UBE2E3: variants seen among roughly 807,000 people sequenced by gnomAD.
UBE2E3 encodes ubiquitin-conjugating enzyme E2 E3.
UBE2E3 carries 5 observed loss-of-function variants against 23.6 expected under a neutral mutation model. That is an observed-to-expected ratio of 0.21 (90% CI 0.11 to 0.44). UBE2E3 has a LOEUF of 0.44. UBE2E3 is among the 20% of genes least tolerant of loss of function. The pLI, the probability that UBE2E3 is intolerant of heterozygous loss-of-function variation, is 0.99. For synonymous variants in UBE2E3, 78 were observed against 87.5 expected, an observed-to-expected ratio of 0.89 and a Z score of 0.60; for missense variants, 81 against 249.8, an observed-to-expected ratio of 0.32 and a Z score of 4.55.
chr2:181,055,187 G>T (rs1210343940), intron 3 of UBE2E3, among the ~76,000 whole-genome samples: 3 of 151,702 alleles, frequency 2.0e-5, no homozygotes, highest in Non-Finnish European at 4.4e-5. Flanking sequence ...TTTCCAAGGA[G>T]TTTTGCTGTC....
At chr2:180,981,902 A>G in intron 1 of UBE2E3, 116 bp from the exon 2 acceptor site, 2 of 741,166 alleles carry the variant, frequency 2.7e-6, no homozygotes, top group Non-Finnish European at 4.4e-6. Flanking sequence ...AATAAGTGTG[A>G]ACACTTTTGA....
At position 180,992,620 on chromosome 2, in the gene UBE2E3, C is replaced by T. The variant is rs937104290; in HGVS notation, c.245+8527C>T. On this transcript the variant is annotated intron_variant, in intron 3 of 5. Transcript: ENST00000410062. ...AAGCAATCCTCCCACCTCAGCCTTC[C>T]GAGTAGCTGGGACTACAGGCGCACC... 4.1e-4 allele frequency among the ~76,000 whole-genome samples: 63 copies of T among 152,246 alleles called. 1 individual carries two copies. The highest frequency in any genetic ancestry group is 3.9e-3 in the Admixed American group (59 of 15,292).
chr2:181,021,684 C>G (rs1051281347), intron 3 of UBE2E3, among the ~76,000 whole-genome samples: 1 of 119,782 alleles, frequency 8.3e-6, no homozygotes, highest in East Asian at 2.6e-4. Context: ...TCCTTCCCAA[C>G]TTTTCTTTTA....
intron 3 of UBE2E3, among the ~76,000 whole-genome samples, chr2:181,025,539 C>T (rs17605475): frequency 1.3e-5 from 2 of 151,556 alleles, no homozygotes; most frequent in Admixed American, 6.6e-5. Flanking sequence ...TTTTAGAAGA[C>T]TTGTCTAAGT....
intron 3 of UBE2E3, among the ~76,000 whole-genome samples, chr2:181,051,211 C>T (rs1686837225): frequency 6.6e-6 from 1 of 151,676 alleles, no homozygotes; most frequent in African/African-American, 2.4e-5. Context: ...TTTAATCCTT[C>T]AGCTTAACTT....
intron 3 of UBE2E3, among the ~76,000 whole-genome samples, chr2:181,016,932 G>A (rs1685509363): frequency 6.6e-6 from 1 of 152,224 alleles, no homozygotes; most frequent in African/African-American, 2.4e-5. Context: ...ACCTCTTTAA[G>A]TTAGAAGCCA....
chr2:181,013,839 C>T (rs529283921), intron 3 of UBE2E3, among the ~76,000 whole-genome samples: 1 of 152,216 alleles, frequency 6.6e-6, no homozygotes, highest in South Asian at 2.1e-4. Context: ...TAGACCATGC[C>T]TCTTCATGGA....
intron 3 of UBE2E3, among the ~76,000 whole-genome samples, chr2:181,042,671 C>T (rs1686551480): frequency 6.6e-6 from 1 of 152,158 alleles, no homozygotes; most frequent in Non-Finnish European, 1.5e-5. Flanking sequence ...TCAGTTTCCT[C>T]ATTTGTAAGA....
chr2:181,031,490 G>A (rs59834478), intron 3 of UBE2E3, among the ~76,000 whole-genome samples: 35,332 of 151,928 alleles, frequency 0.23, 4,479 homozygotes, highest in Non-Finnish European at 0.28. Context: ...TCATTTTAAA[G>A]TACCACATTA....
intron 3 of UBE2E3, among the ~76,000 whole-genome samples, chr2:180,995,934 G>T (rs570380734): frequency 6.6e-6 from 1 of 152,098 alleles, no homozygotes; most frequent in Admixed American, 6.6e-5. Flanking sequence ...GTCATACATG[G>T]TAAAGGTAAG....
chr2:181,021,558 T>TC lies in UBE2E3; in HGVS notation c.246-36133dup, dbSNP rs1574190691. Among the ~76,000 whole-genome samples, 18 of 56,550 alleles carry TC rather than the reference T, an allele frequency of 3.2e-4. 1 individual carries two copies. The East Asian group carries it at 0.018, about 56-fold the overall frequency. The allele number at this position is 56,550 out of a possible 152,430, so 37.1% of individuals were successfully genotyped here. On this transcript the variant is annotated intron_variant, in intron 3 of 5. Transcript: ENST00000410062. ...AACTTTTCTTTTAAATATACTCCCT[T>TC]CCTTCCTTCCTTCCTCCCTCCCTCC...
intron 3 of UBE2E3, among the ~76,000 whole-genome samples, chr2:181,047,218 TTTGTCCCTCTG>T (rs1686696632): frequency 6.6e-6 from 1 of 152,160 alleles, no homozygotes; most frequent in Non-Finnish European, 1.5e-5. Flanking sequence ...CATTTGCTTT[TTTGTCCCTCTG>T]TTAAACACCT....
chr2:181,001,430 A>AC (rs200880629), intron 3 of UBE2E3, among the ~76,000 whole-genome samples: 4 of 151,964 alleles, frequency 2.6e-5, no homozygotes, highest in African/African-American at 7.3e-5. Context: ...GAAGTCCTCC[A>AC]CCCCCCACAC....
chr2:181,007,981 C>A (rs1312797722), intron 3 of UBE2E3, among the ~76,000 whole-genome samples: 1 of 152,174 alleles, frequency 6.6e-6, no homozygotes, highest in Admixed American at 6.5e-5. Context: ...CTTCAAGCAT[C>A]CACTGAAATT....
chr2:181,047,566 G>A (rs1686707869), intron 3 of UBE2E3, among the ~76,000 whole-genome samples: 1 of 151,940 alleles, frequency 6.6e-6, no homozygotes, highest in Non-Finnish European at 1.5e-5. Flanking sequence ...AAAACTATAA[G>A]CTATTCTCGA....
chr2:181,034,027 A>G (rs974434503), intron 3 of UBE2E3, among the ~76,000 whole-genome samples: 2 of 152,196 alleles, frequency 1.3e-5, no homozygotes, highest in Non-Finnish European at 2.9e-5. Flanking sequence ...TCAGGAAACA[A>G]CAGGTGCTGG....
At chr2:180,996,975 C>A (rs1385306692) in intron 3 of UBE2E3, among the ~76,000 whole-genome samples, 2 of 152,090 alleles carry the variant, frequency 1.3e-5, no homozygotes, top group African/African-American at 4.8e-5. Context: ...TGTACGTATG[C>A]ACACATGGCT....
chr2:181,021,215 A>T (rs1685659148), intron 3 of UBE2E3, among the ~76,000 whole-genome samples: 1 of 152,186 alleles, frequency 6.6e-6, no homozygotes, highest in Non-Finnish European at 1.5e-5. Flanking sequence ...TTGCTGACAA[A>T]TAAGATATTA....
At chr2:180,987,332 T>G (rs184599006) in intron 3 of UBE2E3, 1 of 1,549,724 alleles carries the variant, frequency 6.5e-7, no homozygotes, top group African/African-American at 1.4e-5. Flanking sequence ...TCCATCTGTT[T>G]CCCAGAGGGT....
Sources: gnomAD v4.1 joint callset for allele counts (sites outside exome capture counted in the v4.1 genomes callset) on GRCh38, gnomAD v4.1.1 for gene constraint, MANE v1.5 for transcripts, NCBI Gene and HGNC (gene_info 2026-07-23, HGNC 2026-07-21) for gene names.